SCD5: variants seen among roughly 807,000 people sequenced by gnomAD.
The protein encoded by SCD5 is stearoyl-CoA desaturase 5, also known as acyl-CoA-desaturase 4.
A neutral mutation model predicts 30.4 loss-of-function variants in SCD5; 20 were observed. The ratio of observed to expected loss-of-function variants is 0.66; its 90% CI spans 0.46 to 0.96. SCD5 has a LOEUF of 0.96. Ranked by LOEUF, SCD5 falls within the 40% of genes least tolerant of loss-of-function variation. The pLI is 0.00. For synonymous variants in SCD5, 173 were observed against 176.4 expected (o/e 0.98, Z 0.16); for missense variants, 381 against 443.3 (o/e 0.86, Z 1.26).
chr4:82,691,530 T>C (rs182379101), intron 2 of SCD5, among the ~76,000 whole-genome samples: 1 of 152,272 alleles, frequency 6.6e-6, no homozygotes, highest in Non-Finnish European at 1.5e-5. Context: ...TAATAAAGAA[T>C]ATATCTGGTC....
intron 3 of SCD5, among the ~76,000 whole-genome samples, chr4:82,663,436 C>A (rs555853453): frequency 6.6e-6 from 1 of 152,268 alleles, no homozygotes; most frequent in African/African-American, 2.4e-5. Context: ...GACCCAGGAC[C>A]CCCTCTGCCA....
At chr4:82,769,154 C>T (rs1721560716) in intron 1 of SCD5, among the ~76,000 whole-genome samples, 1 of 152,122 alleles carries the variant, frequency 6.6e-6, no homozygotes, top group Non-Finnish European at 1.5e-5. Flanking sequence ...ACTGGTTCTC[C>T]TTGAAGGGTC....
chr4:82,736,420 C>T (rs937176458), intron 1 of SCD5, among the ~76,000 whole-genome samples: 17 of 151,574 alleles, frequency 1.1e-4, no homozygotes, highest in African/African-American at 3.9e-4. Context: ...ACCAGCCTGG[C>T]CAACATGGTG....
At chr4:82,697,501 C>T (rs962566031) in intron 2 of SCD5, among the ~76,000 whole-genome samples, 3 of 152,288 alleles carry the variant, frequency 2.0e-5, no homozygotes, top group African/African-American at 7.2e-5. Context: ...TACCCTCTTG[C>T]TCAGACTGTC....
At chr4:82,705,938 G>A (rs1487159749) in intron 1 of SCD5, among the ~76,000 whole-genome samples, 2 of 152,108 alleles carry the variant, frequency 1.3e-5, no homozygotes, top group Non-Finnish European at 2.9e-5. Flanking sequence ...TATTTATTTG[G>A]TTCTAAAAAC....
At chr4:82,755,990 T>C (rs921891391) in intron 1 of SCD5, among the ~76,000 whole-genome samples, 4 of 152,194 alleles carry the variant, frequency 2.6e-5, no homozygotes, top group Non-Finnish European at 5.9e-5. Context: ...TAAATCAAAT[T>C]GTCATCTAAA....
At chr4:82,779,594 C>A (rs565071066) in intron 1 of SCD5, among the ~76,000 whole-genome samples, 10 of 152,322 alleles carry the variant, frequency 6.6e-5, no homozygotes, top group Non-Finnish European at 1.2e-4. Flanking sequence ...GAAGTCAGAA[C>A]CTTCAGGACT....
intron 4 of SCD5, 26 bp from the exon 5 acceptor site, chr4:82,631,543 T>A (rs1294978217): frequency 1.2e-6 from 2 of 1,609,280 alleles, no homozygotes; most frequent in Non-Finnish European, 1.7e-6. Flanking sequence ...GGCATTGATA[T>A]AATTCAATCA....
At chr4:82,733,428 G>A (rs1720685291) in intron 1 of SCD5, among the ~76,000 whole-genome samples, 1 of 152,126 alleles carries the variant, frequency 6.6e-6, no homozygotes, top group Admixed American at 6.5e-5. Flanking sequence ...TACCCTCTCT[G>A]CCTATTTCAT....
chr4:82,652,862 A>T (rs1266091043), intron 3 of SCD5, among the ~76,000 whole-genome samples: 1 of 152,192 alleles, frequency 6.6e-6, no homozygotes, highest in Non-Finnish European at 1.5e-5. Context: ...ATTAGAAGAG[A>T]AAGACTTCAG....
intron 3 of SCD5, among the ~76,000 whole-genome samples, chr4:82,642,582 G>A (rs1281662151): frequency 1.3e-5 from 2 of 152,128 alleles, no homozygotes; most frequent in African/African-American, 2.4e-5. Flanking sequence ...TCCTCTCAGG[G>A]GTTTTCATCA....
At chr4:82,666,509 C>T (rs2148818135) in intron 3 of SCD5, among the ~76,000 whole-genome samples, 1 of 149,476 alleles carries the variant, frequency 6.7e-6, no homozygotes, top group Admixed American at 6.6e-5. Context: ...AGCGAGACTC[C>T]GTCTCAAAAA....
intron 1 of SCD5, among the ~76,000 whole-genome samples, chr4:82,788,076 G>A (rs1722022926): frequency 6.6e-6 from 1 of 152,146 alleles, no homozygotes; most frequent in Admixed American, 6.5e-5. Context: ...AAAGGCTGGA[G>A]AGAGAAGAGA....
intron 1 of SCD5, among the ~76,000 whole-genome samples, chr4:82,763,563 C>A (rs1721423041): frequency 6.6e-6 from 1 of 152,172 alleles, no homozygotes; most frequent in Non-Finnish European, 1.5e-5. Flanking sequence ...GTCACCCAAT[C>A]TGACTGGCAT....
intron 1 of SCD5, among the ~76,000 whole-genome samples, chr4:82,726,072 C>G (rs1057347408): frequency 6.6e-6 from 1 of 152,122 alleles, no homozygotes; most frequent in Non-Finnish European, 1.5e-5. Flanking sequence ...CCAGAAGGCT[C>G]TTAAACAGAG....
At chr4:82,795,809 CAAAAAAAA>C (rs72115040) in intron 1 of SCD5, among the ~76,000 whole-genome samples, 2 of 43,902 alleles carry the variant, frequency 4.6e-5, no homozygotes, top group South Asian at 1.3e-3. Context: ...CCCTGTCTCA[CAAAAAAAA>C]AAAAAAAAAA....
intron 1 of SCD5, among the ~76,000 whole-genome samples, chr4:82,792,776 A>G (rs1722126785): frequency 1.3e-5 from 2 of 152,234 alleles, no homozygotes; most frequent in Admixed American, 1.3e-4. Flanking sequence ...AGATTATTGT[A>G]TCCACTTTAC....
At chr4:82,781,846 C>G (rs912235507) in intron 1 of SCD5, among the ~76,000 whole-genome samples, 1 of 152,156 alleles carries the variant, frequency 6.6e-6, no homozygotes, top group African/African-American at 2.4e-5. Context: ...TTTGAAGTTA[C>G]CCAGTATTCT....
chr4:82,727,072 A>ATATCTAAGTAAGGAGGT (rs1189379794), intron 1 of SCD5, among the ~76,000 whole-genome samples: 1 of 152,182 alleles, frequency 6.6e-6, no homozygotes, highest in East Asian at 1.9e-4. Context: ...AGTCCACCCC[A>ATATCTAAGTAAGGAGGT]TCTCACATCT....
Sources: allele counts gnomAD v4.1 joint callset (sites outside exome capture counted in the v4.1 genomes callset), GRCh38; gene constraint gnomAD v4.1.1; transcripts MANE v1.5; gene names NCBI Gene and HGNC (gene_info 2026-07-23, HGNC 2026-07-21).